Variants in MAN1C1 observed in about 807,000 individuals in gnomAD.
The protein encoded by MAN1C1 is mannosidase alpha class 1C member 1, also known as mannosyl-oligosaccharide 1,2-alpha-mannosidase IC.
Under a neutral mutation model 71.5 loss-of-function variants are expected in MAN1C1, and 49 were observed. The observed-to-expected ratio is 0.69, with a 90% CI of 0.54 to 0.87. The LOEUF (loss-of-function observed/expected upper bound fraction) is 0.87. MAN1C1 is among the 40% of genes least tolerant of loss of function. The pLI is 0.00. For synonymous variants in MAN1C1, 352 were observed against 343.7 expected, an observed-to-expected ratio of 1.02 and a Z score of -0.27; for missense variants, 743 against 835.0, an observed-to-expected ratio of 0.89 and a Z score of 1.36.
intron 2 of MAN1C1, among the ~76,000 whole-genome samples, chr1:25,740,419 TTTGTTG>T (rs377520036): frequency 5.1e-4 from 77 of 151,640 alleles, no homozygotes; most frequent in African/African-American, 1.8e-3. Flanking sequence ...GACTTGAATT[TTTGTTG>T]TTGTTGTTGT....
chr1:25,637,153 CAAAAAAAAAAATTAAATT>C (rs2045474268), intron 1 of MAN1C1, among the ~76,000 whole-genome samples: 1 of 144,954 alleles, frequency 6.9e-6, no homozygotes, highest in African/African-American at 2.5e-5. Context: ...AACTCTGTCT[CAAAAAAAAAAATTAAATT>C]AAAAAATAAT....
chr1:25,620,371 T>A (rs2045188745), intron 1 of MAN1C1, among the ~76,000 whole-genome samples: 1 of 152,138 alleles, frequency 6.6e-6, no homozygotes, highest in Non-Finnish European at 1.5e-5. Flanking sequence ...GAGGGCTGGT[T>A]TCTGTTGTTT....
Position 25,775,803 on chromosome 1 carries a change from G to A in MAN1C1, c.1258-2302G>A, listed in dbSNP as rs916734832. The A allele has an allele frequency of 3.3e-5, 5 of 152,252 alleles. No homozygotes were observed. The highest frequency in any genetic ancestry group is 2.0e-4 in the Admixed American group (3 of 15,288). 9.4% of individuals were successfully genotyped at this position (152,252 alleles called of 1,614,324 possible). On this transcript the variant is annotated intron_variant, in intron 8 of 11. Coordinates refer to ENST00000374332, the MANE Select transcript of MAN1C1 (RefSeq NM_020379.4). This position sits in a 1 kb window ranked among gnomAD's most constrained non-coding sequence, Gnocchi z 5.1. Reference sequence around the variant, plus strand: ...CTTTCAAGAATGTCACCTTTGCAGAGAGATTTTCCCTGACCTCCCTCTGCA... The same window carrying A: ...CTTTCAAGAATGTCACCTTTGCAGAAAGATTTTCCCTGACCTCCCTCTGCA...
intron 1 of MAN1C1, among the ~76,000 whole-genome samples, chr1:25,624,438 A>G (rs1320372076): frequency 6.6e-6 from 1 of 152,188 alleles, no homozygotes; most frequent in African/African-American, 2.4e-5. Context: ...GATTTGATTG[A>G]GAGCTCCCCA....
intron 1 of MAN1C1, among the ~76,000 whole-genome samples, chr1:25,650,148 C>T (rs1372812281): frequency 6.6e-6 from 1 of 152,196 alleles, no homozygotes; most frequent in Non-Finnish European, 1.5e-5. Context: ...CTGACTGGGG[C>T]GTGTGGGTCT....
intron 1 of MAN1C1, among the ~76,000 whole-genome samples, chr1:25,637,568 CAGAT>C (rs2045479781): frequency 6.6e-6 from 1 of 150,752 alleles, no homozygotes; most frequent in African/African-American, 2.4e-5. Flanking sequence ...TCACTTAGGT[CAGAT>C]AGGTTGATAG....
rs1391669962 is a variant in MAN1C1, at chr1:25,778,371, AC to A, written c.1477+49del. ...GCAGCAGGAGAGACTGAGGCTAGAC[AC>A]CAGGAAGAACTGGAAAGACCGGCAG... On this transcript the variant is annotated intron_variant, in intron 9 of 11. Coordinates refer to ENST00000374332, the MANE Select transcript of MAN1C1 (RefSeq NM_020379.4). The surrounding 1 kb of genome is among the most constrained non-coding windows in gnomAD (Gnocchi z 5.5). 1.3e-6 allele frequency: 2 copies of A among 1,541,590 alleles called. No homozygotes were observed. Among genetic ancestry groups the A allele is most frequent in the Non-Finnish European group, 1.8e-6 (2 of 1,136,568 alleles).
chr1:25,744,321 G>A lies in MAN1C1; in HGVS notation c.638-2347G>A, dbSNP rs1020909402. On this transcript the variant is annotated intron_variant, in intron 2 of 11. Coordinates refer to ENST00000374332, the MANE Select transcript of MAN1C1 (RefSeq NM_020379.4). Reference sequence around the variant, plus strand: ...ACAGGGGAAGCAGCTGGGATGAACCGGCAAAGGATCAAGTCTGTTTGGCTT... The same window carrying A: ...ACAGGGGAAGCAGCTGGGATGAACCAGCAAAGGATCAAGTCTGTTTGGCTT... Among the ~76,000 whole-genome samples the A allele has an allele frequency of 5.3e-5, 8 of 152,168 alleles. No homozygotes were observed. In the East Asian group the frequency reaches 5.8e-4, roughly 11 times the overall value.
At chr1:25,742,477 C>T (rs1034246545) in intron 2 of MAN1C1, among the ~76,000 whole-genome samples, 9 of 152,336 alleles carry the variant, frequency 5.9e-5, no homozygotes, top group South Asian at 4.1e-4. Flanking sequence ...CTCACGCTCA[C>T]GTTGCCCTGC....
intron 1 of MAN1C1, among the ~76,000 whole-genome samples, chr1:25,673,328 G>A (rs60748679): frequency 1.3e-5 from 2 of 152,242 alleles, no homozygotes; most frequent in East Asian, 1.9e-4. Context: ...AGGCAGGCAC[G>A]GTTTCTGCTC....
intron 3 of MAN1C1, among the ~76,000 whole-genome samples, chr1:25,748,272 C>T (rs113542596): frequency 1.1e-3 from 161 of 152,288 alleles, no homozygotes; most frequent in African/African-American, 2.9e-3. Flanking sequence ...TGATGACCCT[C>T]GCCACACTGA....
At chr1:25,696,750 A>C (rs1371377929) in intron 2 of MAN1C1, among the ~76,000 whole-genome samples, 1 of 152,126 alleles carries the variant, frequency 6.6e-6, no homozygotes, top group East Asian at 1.9e-4. Flanking sequence ...GGGCTCAAAC[A>C]ATCCTCCCAC....
chr1:25,697,685 C>T (rs539705493), intron 2 of MAN1C1, among the ~76,000 whole-genome samples: 94 of 152,272 alleles, frequency 6.2e-4, no homozygotes, highest in Non-Finnish European at 1.1e-3. Context: ...TTAAGAGTTA[C>T]GAACACTTCA....
intron 1 of MAN1C1, among the ~76,000 whole-genome samples, chr1:25,648,629 T>C (rs1477641242): frequency 6.6e-6 from 1 of 152,224 alleles, no homozygotes; most frequent in Non-Finnish European, 1.5e-5. Flanking sequence ...AGACAAGCCC[T>C]CACCTGGAGT....
intron 2 of MAN1C1, among the ~76,000 whole-genome samples, chr1:25,727,008 AAG>A (rs2046841420): frequency 6.6e-6 from 1 of 152,014 alleles, no homozygotes; most frequent in Non-Finnish European, 1.5e-5. Context: ...AGTGAGCTGA[AAG>A]TGCGCCACTG....
chr1:25,655,118 T>C (rs1263536816), intron 1 of MAN1C1, among the ~76,000 whole-genome samples: 1 of 152,210 alleles, frequency 6.6e-6, no homozygotes, highest in Non-Finnish European at 1.5e-5. Flanking sequence ...ATATCTCCAA[T>C]TGAGAGCTTC....
chr1:25,617,120 C>G lies in MAN1C1; in HGVS notation c.-678C>G, dbSNP rs936514449. ...GGGCCCGGGGGAAGCCCCCTGCCCC[C>G]GCAGGCTCGGAAGTGCCTGCTCCTG... is the stretch of plus-strand genomic sequence containing the variant. On this transcript the variant is annotated 5_prime_UTR_variant, in exon 1 of 12. Coordinates refer to ENST00000374332, the MANE Select transcript of MAN1C1 (RefSeq NM_020379.4). The surrounding 1 kb of genome is among the most constrained non-coding windows in gnomAD (Gnocchi z 5.1). Among the ~76,000 whole-genome samples, 4 of 151,924 alleles carry G rather than the reference C, an allele frequency of 2.6e-5. No homozygotes were observed. Among genetic ancestry groups the G allele is most frequent in the Non-Finnish European group, 5.9e-5 (4 of 67,958 alleles).
At position 25,677,794 on chromosome 1, in the gene MAN1C1, T is replaced by C. The variant is rs2046090292; in HGVS notation, c.541-8646T>C. On this transcript the variant is annotated intron_variant, in intron 1 of 11. Transcript: ENST00000374332. Reference sequence around the variant, plus strand: ...TCTGGATCTGTGCTTCTGTTTGATGTTGTTTCTCTTGCTGGGTGACCTTCT... The same window carrying C: ...TCTGGATCTGTGCTTCTGTTTGATGCTGTTTCTCTTGCTGGGTGACCTTCT... Among the ~76,000 whole-genome samples the C allele has an allele frequency of 2.0e-5, 3 of 151,708 alleles. No homozygotes were observed. The South Asian group carries it at 6.3e-4, about 32-fold the overall frequency.
At chr1:25,649,699 G>A (rs986814184) in intron 1 of MAN1C1, among the ~76,000 whole-genome samples, 2 of 152,080 alleles carry the variant, frequency 1.3e-5, no homozygotes, top group African/African-American at 4.8e-5. Context: ...GTACAGTGGC[G>A]CAATCTCAGT....
Sources: allele counts gnomAD v4.1 joint callset (sites outside exome capture counted in the v4.1 genomes callset), GRCh38; gene constraint gnomAD v4.1.1; non-coding constraint Gnocchi (gnomAD v3.1); transcripts MANE v1.5; gene names NCBI Gene and HGNC (gene_info 2026-07-23, HGNC 2026-07-21).